NEK4: variants seen among roughly 807,000 people sequenced by gnomAD.
NEK4 encodes serine/threonine-protein kinase Nek4.
NEK4 carries 86 observed loss-of-function variants against 98.4 expected under a neutral mutation model. The ratio of observed to expected loss-of-function variants is 0.87; its 90% confidence interval spans 0.73 to 1.05. NEK4 has a LOEUF of 1.05. Among genes scored for constraint, NEK4 ranks in the 50% least tolerant of loss-of-function variants. The pLI is 0.00. For missense variants in NEK4, 898 were observed against 950.3 expected, an observed-to-expected ratio of 0.94 and a Z score of 0.72; for synonymous variants, 328 against 342.2, an observed-to-expected ratio of 0.96 and a Z score of 0.46.
intron 4 of NEK4, among the ~76,000 whole-genome samples, chr3:52,763,943 T>C (rs967567854): frequency 5.9e-5 from 9 of 152,232 alleles, no homozygotes; most frequent in African/African-American, 1.7e-4. Flanking sequence ...ATTGGAAACA[T>C]AAATGTCCCT....
At chr3:52,733,583 T>G (rs6780397) in intron 15 of NEK4, 1 of 510,160 alleles carries the variant, frequency 2.0e-6, no homozygotes, top group Non-Finnish European at 3.9e-6. Flanking sequence ...AAATAATTCA[T>G]AGTACAGAGA....
At chr3:52,770,450 A>T (rs1698735713) in intron 1 of NEK4, among the ~76,000 whole-genome samples, 1 of 150,710 alleles carries the variant, frequency 6.6e-6, no homozygotes. Context: ...AAAAGGAAAA[A>T]AATTTAACAC....
At chr3:52,756,351 C>T (rs975753916) in intron 6 of NEK4, among the ~76,000 whole-genome samples, 1 of 152,024 alleles carries the variant, frequency 6.6e-6, no homozygotes. Flanking sequence ...TAAAACATAC[C>T]ACAAAACCAC....
intron 5 of NEK4, 42 bp downstream of exon 5, chr3:52,763,428 C>A: frequency 6.4e-7 from 1 of 1,563,080 alleles, no homozygotes; most frequent in South Asian, 1.2e-5. Flanking sequence ...CCTCTTTCAC[C>A]CCATCTATTT....
intron 15 of NEK4, among the ~76,000 whole-genome samples, chr3:52,728,103 T>G (rs574489642): frequency 1.3e-5 from 2 of 152,292 alleles, no homozygotes; most frequent in East Asian, 3.9e-4. Flanking sequence ...CCAGGCATGG[T>G]AGCTCACACC....
At chr3:52,753,672 CTA>C (rs1429738404) in intron 6 of NEK4, 1 of 585,414 alleles carries the variant, frequency 1.7e-6, no homozygotes, top group Non-Finnish European at 3.4e-6. Flanking sequence ...TTGCCCATAA[CTA>C]AGCCTACGGA....
At chr3:52,755,254 C>T (rs775615745) in intron 6 of NEK4, among the ~76,000 whole-genome samples, 8 of 151,736 alleles carry the variant, frequency 5.3e-5, no homozygotes, top group Non-Finnish European at 7.4e-5. Context: ...CAGGGCCTGA[C>T]GATACGGGGA....
At chr3:52,714,180 G>A (rs1457549131) in intron 15 of NEK4, among the ~76,000 whole-genome samples, 2 of 152,340 alleles carry the variant, frequency 1.3e-5, no homozygotes, top group South Asian at 4.1e-4. Flanking sequence ...AGACTGCAGT[G>A]AGCCGTGATC....
Position 52,768,468 on chromosome 3 carries a change from C to T in NEK4, c.230G>A (p.Gly77Asp), listed in dbSNP as rs769218178. 1 of 1,614,208 alleles carries T rather than the reference C, an allele frequency of 6.2e-7. No homozygotes were observed. The change falls in exon 2 of 16, where the codon GGT (glycine) becomes GAT (aspartate). Residue 77 changes from glycine (G) to aspartate (D), a missense_variant. By Grantham distance (94) the Gly-to-Asp change is moderately conservative (BLOSUM62 -1). Coordinates refer to ENST00000233027, the MANE Select transcript of NEK4 (RefSeq NM_003157.6). ...GAAGCCCATGACAATGTAGAGCAGA[C>T]CATCTCCTCCTTCCCATGACTCCTT... Reference protein sequence around the residue: ...TYKESWEGGDGLLYIVMGFCE... With the variant: ...TYKESWEGGDDLLYIVMGFCE...
intron 15 of NEK4, among the ~76,000 whole-genome samples, chr3:52,719,004 G>C (rs983435469): frequency 6.6e-6 from 1 of 152,144 alleles, no homozygotes; most frequent in East Asian, 1.9e-4. Flanking sequence ...TGATCTGCCC[G>C]CCTTGGCTTC....
At chr3:52,741,317 A>G (rs933917791) in intron 13 of NEK4, 94 bp downstream of exon 13, 13 of 704,554 alleles carry the variant, frequency 1.8e-5, no homozygotes, top group Non-Finnish European at 3.0e-5. Flanking sequence ...TATCAGTGGG[A>G]ATACTAGAGA....
rs755904931 is a variant in NEK4, at chr3:52,766,275, C to T, written c.461G>A (p.Arg154Gln). ...IIKVGDLGIA[R>Q]VLENHCDMAS... Reference sequence around the variant, plus strand: ...CATGTCACAGTGGTTCTCTAACACTCGGGCAATTCCTAGGTCCCCTACTTT... The same window carrying T: ...CATGTCACAGTGGTTCTCTAACACTTGGGCAATTCCTAGGTCCCCTACTTT... The change falls in exon 3 of 16, where the codon CGA (arginine) becomes CAA (glutamine). Residue 154 changes from arginine (R) to glutamine (Q), a missense_variant. Physicochemically the swap from Arg to Gln is conservative, Grantham distance 43. Coordinates refer to ENST00000233027, the MANE Select transcript of NEK4 (RefSeq NM_003157.6). 8 of 1,613,768 alleles carry T rather than the reference C, an allele frequency of 5.0e-6. No homozygotes were observed. Among genetic ancestry groups the T allele is most frequent in the South Asian group, 2.2e-5 (2 of 91,084 alleles).
At chr3:52,759,122 C>G (rs1189324186) in intron 6 of NEK4, among the ~76,000 whole-genome samples, 2 of 127,204 alleles carry the variant, frequency 1.6e-5, no homozygotes, top group Non-Finnish European at 3.6e-5. Flanking sequence ...AAAAAAAAAG[C>G]CTGGGCACAG....
intron 10 of NEK4, 141 bp from the exon 11 acceptor site, chr3:52,744,446 G>GATT: frequency 1.4e-6 from 1 of 712,916 alleles, no homozygotes; most frequent in Non-Finnish European, 2.5e-6. Flanking sequence ...AGCACTCTGG[G>GATT]AGGCTGGGGT....
intron 15 of NEK4, among the ~76,000 whole-genome samples, chr3:52,728,626 C>T (rs2097366722): frequency 6.6e-6 from 1 of 152,098 alleles, no homozygotes; most frequent in African/African-American, 2.4e-5. Context: ...AACAGAATAA[C>T]AGCGATTTTC....
At chr3:52,754,324 T>G in intron 6 of NEK4, 1 of 360,444 alleles carries the variant, frequency 2.8e-6, no homozygotes, top group South Asian at 2.4e-5. Context: ...AAAATGGAGG[T>G]GGAATCATAA....
intron 10 of NEK4, among the ~76,000 whole-genome samples, chr3:52,745,199 G>A (rs928112404): frequency 1.3e-5 from 2 of 151,860 alleles, no homozygotes; most frequent in Non-Finnish European, 2.9e-5. Flanking sequence ...GATTACAGGC[G>A]TGAGCCACCG....
chr3:52,745,565 C>A (rs529481365), intron 10 of NEK4, among the ~76,000 whole-genome samples: 2 of 150,778 alleles, frequency 1.3e-5, no homozygotes, highest in South Asian at 2.1e-4. Flanking sequence ...GGCAACAGAG[C>A]GAGACTCCAC....
chr3:52,717,294 CTACT>C (rs769799615), intron 15 of NEK4, among the ~76,000 whole-genome samples: 98 of 151,804 alleles, frequency 6.5e-4, no homozygotes, highest in Middle Eastern at 3.4e-3. Context: ...ATAATCCCAG[CTACT>C]TGGGAGGCTG....
Sources: gnomAD v4.1 joint callset for allele counts (sites outside exome capture counted in the v4.1 genomes callset) on GRCh38, gnomAD v4.1.1 for gene constraint, MANE v1.5 for transcripts, NCBI Gene and HGNC (gene_info 2026-07-23, HGNC 2026-07-21) for gene names.